Variants in BDP1 observed in about 807,000 individuals in gnomAD.
BDP1 encodes transcription factor TFIIIB component B'' homolog.
BDP1 carries 169 observed loss-of-function variants against 266.6 expected under a neutral mutation model. The ratio of observed to expected loss-of-function variants is 0.63; its 90% CI spans 0.56 to 0.72. The LOEUF is 0.72. Ranked by LOEUF, BDP1 falls within the 30% of genes least tolerant of loss-of-function variation. The pLI is 0.00. For missense variants in BDP1, 3,015 were observed against 3,053.8 expected (o/e 0.99, Z 0.30); for synonymous variants, 1,090 against 1,022.4 (o/e 1.07, Z -1.26).
chr5:71,563,567 C>A (rs1206245680), intron 38 of BDP1, among the ~76,000 whole-genome samples: 9 of 151,722 alleles, frequency 5.9e-5, no homozygotes, highest in Non-Finnish European at 5.9e-5. Context: ...TTTTTTATTT[C>A]TGTTTAATTT....
the BDP1 span, among the ~76,000 whole-genome samples, chr5:71,574,179 T>G: frequency 1.3e-5 from 2 of 152,134 alleles, no homozygotes; most frequent in Non-Finnish European, 2.9e-5. Flanking sequence ...TGGGAAAATA[T>G]TATAATTGTG....
chr5:71,502,178 T>A (rs941227790), intron 14 of BDP1, among the ~76,000 whole-genome samples: 2 of 148,972 alleles, frequency 1.3e-5, no homozygotes, highest in African/African-American at 4.9e-5. Flanking sequence ...TATGTCTTTT[T>A]TTTTCTCTCT....
rs370020511 is a variant in BDP1 at position 71,486,924 on chromosome 5, T to C, written c.1213+297T>C. On this transcript the variant is annotated intron_variant, in intron 9 of 38. Coordinates refer to ENST00000358731, the MANE Select transcript of BDP1 (RefSeq NM_018429.3). ...GTGTTGTATTTCATGTTTGATTATT[T>C]ATTATCATTTTCCTCTGTAAAACAA... Among the ~76,000 whole-genome samples, 15 of 152,356 alleles carry C rather than the reference T, an allele frequency of 9.8e-5. 1 individual carries two copies. The highest frequency in any genetic ancestry group is 3.6e-4 in the African/African-American group (15 of 41,584).
At chr5:71,480,328 G>T (rs1481295483) in intron 7 of BDP1, among the ~76,000 whole-genome samples, 1 of 133,662 alleles carries the variant, frequency 7.5e-6, no homozygotes, top group Non-Finnish European at 1.6e-5. Flanking sequence ...TAGAGACAGG[G>T]TTTCACCATG....
At chr5:71,525,973 A>G (rs1413967710) in intron 25 of BDP1, among the ~76,000 whole-genome samples, 143 of 136,116 alleles carry the variant, frequency 1.1e-3, no homozygotes, top group African/African-American at 1.4e-3. Context: ...CCAGGCTGAG[A>G]GGCTCCTCAC....
chr5:71,556,358 C>T (rs560704363), intron 35 of BDP1, among the ~76,000 whole-genome samples: 13 of 150,812 alleles, frequency 8.6e-5, no homozygotes, highest in East Asian at 7.8e-4. Flanking sequence ...TTTTAATTTC[C>T]GATTTTAATA....
chr5:71,562,499 T>C lies in BDP1; in HGVS notation c.7722T>C (p.Asn2574=). 6.2e-7 allele frequency: 1 copy of C among 1,613,820 alleles called. No homozygotes were observed. Among genetic ancestry groups the C allele is most frequent in the Non-Finnish European group, 8.5e-7 (1 of 1,179,888 alleles). ...SPSVITTQSE[N]ISSSATQVSC... Reference sequence around the variant, plus strand: ...GTGTTATTACTACTCAATCTGAGAATATTAGCAGCTCAGCAACTCAGGTAT... The same window carrying C: ...GTGTTATTACTACTCAATCTGAGAACATTAGCAGCTCAGCAACTCAGGTAT... Residue 2574 remains asparagine (N), a synonymous_variant, in exon 38 of 39, where the codon AAT becomes AAC. Coordinates refer to ENST00000358731, the MANE Select transcript of BDP1 (RefSeq NM_018429.3).
At chr5:71,555,469 CTCT>C (rs1561787602) in intron 35 of BDP1, among the ~76,000 whole-genome samples, 1 of 70,394 alleles carries the variant, frequency 1.4e-5, no homozygotes, top group Non-Finnish European at 3.6e-5. Flanking sequence ...GATGGAGTTT[CTCT>C]CCTATTGCCC....
chr5:71,544,837 G>A (rs566317058), intron 31 of BDP1, among the ~76,000 whole-genome samples: 10 of 121,588 alleles, frequency 8.2e-5, no homozygotes, highest in South Asian at 2.8e-4. Flanking sequence ...CCAAGATCGC[G>A]CCACTGCACT....
At chr5:71,461,958 CTTTT>C (rs370261571) in intron 3 of BDP1, 32 bp downstream of exon 3, 2,571 of 440,424 alleles carry the variant, frequency 5.8e-3, no homozygotes, top group Middle Eastern at 0.012. Context: ...TTTACTATCT[CTTTT>C]TTTTTTTTTT....
chr5:71,500,814 T>C (rs1023301020), intron 13 of BDP1, among the ~76,000 whole-genome samples: 1 of 150,136 alleles, frequency 6.7e-6, no homozygotes, highest in Non-Finnish European at 1.5e-5. Flanking sequence ...AAAAAAAAAA[T>C]GTACATCAGG....
At chr5:71,543,609 A>G (rs903977728) in intron 30 of BDP1, among the ~76,000 whole-genome samples, 2 of 152,326 alleles carry the variant, frequency 1.3e-5, no homozygotes, top group South Asian at 4.1e-4. Flanking sequence ...AGAAAATTAT[A>G]AGGAAGAGAA....
Position 71,491,064 on chromosome 5 carries a change from G to A in BDP1, c.1573G>A (p.Asp525Asn), listed in dbSNP as rs1280325995. ...EQMLSCTQNI[D>N]GIVGFASTEK... ...GATGCTTTCCTGCACACAAAACATA[G>A]ATGGCATTGTGGGTTTTGCCTCCAC... is the stretch of plus-strand genomic sequence containing the variant. Residue 525 changes from aspartate to asparagine, a missense_variant, in exon 11 of 39, where the codon GAT (aspartate) becomes AAT (asparagine). Physicochemically the swap from Asp to Asn is conservative, Grantham distance 23 (BLOSUM62 1). Transcript: ENST00000358731. 6.2e-7 allele frequency: 1 copy of A among 1,613,994 alleles called. No individual in the cohort carries two copies. The highest frequency in any genetic ancestry group is 1.3e-5 in the African/African-American group (1 of 74,940).
At chr5:71,505,820 C>T (rs1382813560) in intron 16 of BDP1, among the ~76,000 whole-genome samples, 2 of 152,142 alleles carry the variant, frequency 1.3e-5, no homozygotes, top group African/African-American at 2.4e-5. Context: ...ATGAATGGGC[C>T]ACTTTACTCC....
intron 6 of BDP1, among the ~76,000 whole-genome samples, chr5:71,468,637 G>A (rs139646845): frequency 1.6e-4 from 20 of 125,546 alleles, no homozygotes; most frequent in African/African-American, 5.1e-4. Context: ...ATGGAGTTTC[G>A]CTCTTGTCGC....
chr5:71,537,406 G>T (rs779947131), intron 26 of BDP1, among the ~76,000 whole-genome samples: 3 of 152,160 alleles, frequency 2.0e-5, no homozygotes, highest in African/African-American at 4.8e-5. Flanking sequence ...ATGGGATGAG[G>T]TGGGATTTCC....
chr5:71,498,630 G>A (rs1428409042), intron 13 of BDP1, among the ~76,000 whole-genome samples: 1 of 149,066 alleles, frequency 6.7e-6, no homozygotes, highest in Non-Finnish European at 1.5e-5. Flanking sequence ...CACCTTGTTG[G>A]CCAGGCTGGT....
rs1298769025 is a variant in BDP1, at chr5:71,491,110, C to T, written c.1619C>T (p.Thr540Ile). The change falls in exon 11 of 39, where the codon ACT (threonine) becomes ATT (isoleucine). Residue 540 changes from threonine to isoleucine, a missense_variant. Physicochemically the swap from Thr to Ile is moderately conservative, Grantham distance 89 (BLOSUM62 -1). Transcript: ENST00000358731. ...FASTEKVEKR[T>I]DPILSLSNQQ... ...TCCACTGAAAAAGTTGAGAAAAGAA[C>T]TGACCCCATCCTTTCATTAAGGTAT... 6.2e-7 allele frequency: 1 copy of T among 1,613,908 alleles called. No homozygotes were observed. Among genetic ancestry groups the T allele is most frequent in the Non-Finnish European group, 8.5e-7 (1 of 1,179,906 alleles).
In BDP1 at chr5:71,548,725, T is replaced by TC; in HGVS notation, c.6789dup (p.Asn2264GlnfsTer12). Reference sequence around the variant, plus strand: ...CCAGAAGTCCAACAAGAGAATATAATCAATCCTCAAGACCTAACAGGTATG... The same window carrying TC: ...CCAGAAGTCCAACAAGAGAATATAATCCAATCCTCAAGACCTAACAGGTATG... On this transcript the variant is annotated frameshift_variant, in exon 33 of 39. Coordinates refer to ENST00000358731, the MANE Select transcript of BDP1 (RefSeq NM_018429.3). LOFTEE classifies it high-confidence loss of function. 6.2e-7 allele frequency: 1 copy of TC among 1,605,108 alleles called. No homozygotes were observed. Among genetic ancestry groups the TC allele is most frequent in the Non-Finnish European group, 8.5e-7 (1 of 1,172,176 alleles).
Sources: allele counts gnomAD v4.1 joint callset (sites outside exome capture counted in the v4.1 genomes callset), GRCh38; gene constraint gnomAD v4.1.1; transcripts MANE v1.5; gene names NCBI Gene and HGNC (gene_info 2026-07-23, HGNC 2026-07-21).